The following DRC11 variants were observed in gnomAD, a reference collection of about 807,000 sequenced individuals.
DRC11 encodes the protein dynein regulatory complex subunit 11.
the DRC11 span, among the ~76,000 whole-genome samples, chr2:236,366,357 G>A: frequency 6.6e-6 from 1 of 152,198 alleles, no homozygotes; most frequent in African/African-American, 2.4e-5. Flanking sequence ...CACCATCAAG[G>A]TGATCTAAAC....
the DRC11 span, among the ~76,000 whole-genome samples, chr2:236,414,181 T>A: frequency 6.6e-6 from 1 of 152,212 alleles, no homozygotes; most frequent in African/African-American, 2.4e-5. Flanking sequence ...ATAGCTTTTT[T>A]TTCATCCTCT....
chr2:236,358,913 A>C, the DRC11 span, among the ~76,000 whole-genome samples: 3 of 150,284 alleles, frequency 2.0e-5, no homozygotes, highest in Non-Finnish European at 4.4e-5. Context: ...TGTGCCCTCC[A>C]CAAGACACAG....
the DRC11 span, among the ~76,000 whole-genome samples, chr2:236,343,401 G>C: frequency 6.6e-6 from 1 of 152,198 alleles, no homozygotes; most frequent in African/African-American, 2.4e-5. This position sits in a 1 kb window ranked among gnomAD's most constrained non-coding sequence, Gnocchi z 6.6. Context: ...GAGGCCGTGC[G>C]GGCTGAAATG....
At chr2:236,335,273 C>T in the DRC11 span, among the ~76,000 whole-genome samples, 3 of 152,204 alleles carry the variant, frequency 2.0e-5, no homozygotes, top group Non-Finnish European at 4.4e-5. The surrounding 1 kb of genome is among the most constrained non-coding windows in gnomAD (Gnocchi z 5.6). Context: ...AACAGTCTTT[C>T]TGTAAGACAG....
chr2:236,326,823 TG>T, the DRC11 span, among the ~76,000 whole-genome samples: 1 of 151,468 alleles, frequency 6.6e-6, no homozygotes, highest in African/African-American at 2.4e-5. Context: ...TGTGTGTGTG[TG>T]TGTGTGTGTG....
the DRC11 span, among the ~76,000 whole-genome samples, chr2:236,415,473 C>T: frequency 6.6e-6 from 1 of 152,254 alleles, no homozygotes; most frequent in Middle Eastern, 3.4e-3. The surrounding 1 kb of genome is among the most constrained non-coding windows in gnomAD (Gnocchi z 5.7). Context: ...TTGAGGTACT[C>T]TAGGGTTGAT....
chr2:236,438,800 T>C, the DRC11 span, among the ~76,000 whole-genome samples: 2 of 152,002 alleles, frequency 1.3e-5, no homozygotes, highest in South Asian at 2.1e-4. Flanking sequence ...TATTCCAAAA[T>C]TGACCACATA....
At chr2:236,493,762 A>G in the DRC11 span, 1 of 1,585,750 alleles carries the variant, frequency 6.3e-7, no homozygotes, top group Non-Finnish European at 8.6e-7. Flanking sequence ...AAAATGATAT[A>G]CAAACCATGT....
At chr2:236,368,172 T>C in the DRC11 span, 1 of 1,442,400 alleles carries the variant, frequency 6.9e-7, no homozygotes. Context: ...AAAAGGCACA[T>C]CCGCGCACGC....
chr2:236,427,858 G>A, the DRC11 span, among the ~76,000 whole-genome samples: 8 of 151,972 alleles, frequency 5.3e-5, no homozygotes, highest in Non-Finnish European at 8.8e-5. This position sits in a 1 kb window ranked among gnomAD's most constrained non-coding sequence, Gnocchi z 5.9. Context: ...CTTTTATGGT[G>A]TAGGCATTTA....
the DRC11 span, chr2:236,487,045 T>C: frequency 1.6e-6 from 1 of 626,284 alleles, no homozygotes; most frequent in Non-Finnish European, 2.8e-6. Context: ...GATGGAATAT[T>C]TTTTCTTCTG....
the DRC11 span, among the ~76,000 whole-genome samples, chr2:236,473,151 A>G: frequency 6.6e-6 from 1 of 152,242 alleles, no homozygotes; most frequent in South Asian, 2.1e-4. This position sits in a 1 kb window ranked among gnomAD's most constrained non-coding sequence, Gnocchi z 4.8. Context: ...TGACCAAGCT[A>G]GACTACATAG....
the DRC11 span, among the ~76,000 whole-genome samples, chr2:236,357,812 AT>A: frequency 8.9e-6 from 1 of 112,214 alleles, no homozygotes; most frequent in Admixed American, 9.2e-5. Context: ...TAAATATAGA[AT>A]ATATAAATAT....
At chr2:236,450,346 G>GTC in the DRC11 span, among the ~76,000 whole-genome samples, 1 of 127,932 alleles carries the variant, frequency 7.8e-6, no homozygotes, top group Non-Finnish European at 1.6e-5. Flanking sequence ...TTGAGACGGG[G>GTC]TCTCGCTCTG....
At chr2:236,417,859 G>A in the DRC11 span, among the ~76,000 whole-genome samples, 1 of 152,018 alleles carries the variant, frequency 6.6e-6, no homozygotes, top group Non-Finnish European at 1.5e-5. Context: ...TTAGTTTGCT[G>A]AGGATGATAG....
the DRC11 span, among the ~76,000 whole-genome samples, chr2:236,487,192 C>T: frequency 5.9e-5 from 9 of 152,210 alleles, no homozygotes; most frequent in South Asian, 8.3e-4. Context: ...GATCTAAGGA[C>T]GGCACTTCAT....
chr2:236,377,778 A>G, the DRC11 span, among the ~76,000 whole-genome samples: 1 of 152,192 alleles, frequency 6.6e-6, no homozygotes, highest in Non-Finnish European at 1.5e-5. The surrounding 1 kb of genome is among the most constrained non-coding windows in gnomAD (Gnocchi z 4.9). Flanking sequence ...CACTTCTCTA[A>G]AAGGACCTTG....
At chr2:236,472,873 G>A in the DRC11 span, among the ~76,000 whole-genome samples, 2 of 152,108 alleles carry the variant, frequency 1.3e-5, no homozygotes, top group Non-Finnish European at 2.9e-5. The surrounding 1 kb of genome is among the most constrained non-coding windows in gnomAD (Gnocchi z 4.6). Context: ...ACTCCCAACT[G>A]TCCCCCAATC....
the DRC11 span, among the ~76,000 whole-genome samples, chr2:236,393,189 T>G: frequency 6.6e-6 from 1 of 152,166 alleles, no homozygotes; most frequent in African/African-American, 2.4e-5. This position sits in a 1 kb window ranked among gnomAD's most constrained non-coding sequence, Gnocchi z 4.7. Context: ...TGCTGGAATT[T>G]GTGAAGCTGA....
Sources: gnomAD v4.1 joint callset for allele counts (sites outside exome capture counted in the v4.1 genomes callset) on GRCh38, gnomAD v4.1.1 for gene constraint, Gnocchi (gnomAD v3.1) non-coding constraint, MANE v1.5 for transcripts, NCBI Gene and HGNC (gene_info 2026-07-23, HGNC 2026-07-21) for gene names.